GPR157: variants seen among roughly 807,000 people sequenced by gnomAD.
GPR157 encodes G protein-coupled receptor 157, also known as G-protein coupled receptor 157.
In GPR157, 16 loss-of-function variants were observed where a neutral mutation model predicts 23.5. The observed-to-expected ratio is 0.68, with a 90% CI of 0.46 to 1.04. The LOEUF (loss-of-function observed/expected upper bound fraction) is 1.04. Ranked by LOEUF, GPR157 falls within the 50% of genes least tolerant of loss-of-function variation. The probability of loss-of-function intolerance (pLI) is 0.00; values close to 1 mark genes in which losing one functional copy is unlikely to be tolerated. For missense variants in GPR157, 440 were observed against 460.7 expected, an observed-to-expected ratio of 0.96 and a Z score of 0.41; for synonymous variants, 200 against 221.5, an observed-to-expected ratio of 0.90 and a Z score of 0.86.
At chr1:9,121,273 A>G (rs892918686) in intron 1 of GPR157, among the ~76,000 whole-genome samples, 2 of 151,530 alleles carry the variant, frequency 1.3e-5, no homozygotes, top group Non-Finnish European at 2.9e-5. Context: ...TAGAGGCTGT[A>G]CTGAGTAGAG....
Position 9,128,564 on chromosome 1 carries a change from A to T in GPR157, c.383+81T>A, listed in dbSNP as rs1426850536. 7.3e-7 allele frequency: 1 copy of T among 1,362,098 alleles called. No homozygotes were observed. The highest frequency in any genetic ancestry group is 2.4e-5 in the East Asian group (1 of 41,984). The allele number at this position is 1,362,098 out of a possible 1,614,324, so 84.4% of individuals were successfully genotyped here. On this transcript the variant is annotated intron_variant, in intron 1 of 3. Transcript: ENST00000377411. The surrounding 1 kb of genome is among the most constrained non-coding windows in gnomAD (Gnocchi z 6.3). ...TGTGGGTAGGGGGTGTCCAACCTAGACGCGGCCTCTGGGAGGGCAAGACCG... is the reference window on the plus strand; with the variant it reads ...TGTGGGTAGGGGGTGTCCAACCTAGTCGCGGCCTCTGGGAGGGCAAGACCG...
At chr1:9,106,199 G>A (rs1043266787) in intron 2 of GPR157, among the ~76,000 whole-genome samples, 1 of 152,034 alleles carries the variant, frequency 6.6e-6, no homozygotes, top group Non-Finnish European at 1.5e-5. Context: ...CCACCGTGCC[G>A]ACCTCTAACT....
At chr1:9,107,724 C>A (rs913868471) in intron 2 of GPR157, among the ~76,000 whole-genome samples, 3 of 152,150 alleles carry the variant, frequency 2.0e-5, no homozygotes, top group Non-Finnish European at 1.5e-5. Flanking sequence ...GCCAGGAGTT[C>A]AAGACCAGGC....
chr1:9,110,827 T>G (rs1050651150), intron 2 of GPR157, among the ~76,000 whole-genome samples: 1 of 152,212 alleles, frequency 6.6e-6, no homozygotes, highest in Non-Finnish European at 1.5e-5. Flanking sequence ...GCGTCACTGA[T>G]TGTGAAATTC....
Position 9,120,494 on chromosome 1 carries a change from G to A in GPR157, c.383+8151C>T, listed in dbSNP as rs937901661. 6.6e-6 allele frequency among the ~76,000 whole-genome samples: 1 copy of A among 152,224 alleles called. No individual in the cohort carries two copies. Among genetic ancestry groups the A allele is most frequent in the Admixed American group, 6.5e-5 (1 of 15,282 alleles). ...GAGCAGGGCTGGGGGAAGCCCAGCT[G>A]TAGGGAGTGAGGCCTGGTGAGAGGC... On this transcript the variant is annotated intron_variant, in intron 1 of 3. Transcript: ENST00000377411. The surrounding 1 kb of genome is among the most constrained non-coding windows in gnomAD (Gnocchi z 4.1).
chr1:9,107,852 C>T (rs1472758397), intron 2 of GPR157, among the ~76,000 whole-genome samples: 7 of 152,020 alleles, frequency 4.6e-5, no homozygotes, highest in East Asian at 1.9e-4. Context: ...TGCTTGAACC[C>T]GGGAGGCAGA....
chr1:9,104,472 G>A lies in GPR157; in HGVS notation c.955C>T (p.Pro319Ser). Residue 319 changes from proline to serine, a missense_variant, in exon 4 of 4, where the codon CCA (proline) becomes TCA (serine). By Grantham distance (74) the Pro-to-Ser change is moderately conservative. Coordinates refer to ENST00000377411, the MANE Select transcript of GPR157 (RefSeq NM_024980.5). ...CCTTGGGATTCCTGAGATTCTCCTG[G>A]CTTGGAAGGCGCGGGAGCCTTGGGA... Reference protein sequence around the residue: ...GTPKAPAPSKPGESQESQGTP... With the variant: ...GTPKAPAPSKSGESQESQGTP... 2 of 1,613,952 alleles carry A rather than the reference G, an allele frequency of 1.2e-6. No homozygotes were observed. The highest frequency in any genetic ancestry group is 1.1e-5 in the South Asian group (1 of 91,054).
chr1:9,116,759 A>T (rs1638689963), intron 1 of GPR157, among the ~76,000 whole-genome samples: 1 of 150,512 alleles, frequency 6.6e-6, no homozygotes, highest in South Asian at 2.1e-4. Context: ...TTATTATTTT[A>T]GAGACAGGGT....
At chr1:9,126,869 C>A (rs1445002401) in intron 1 of GPR157, among the ~76,000 whole-genome samples, 1 of 151,966 alleles carries the variant, frequency 6.6e-6, no homozygotes. Context: ...GAATACGTTG[C>A]TTGTTTTTTC....
intron 1 of GPR157, 74 bp from the exon 2 acceptor site, chr1:9,111,563 A>ACC: frequency 6.5e-6 from 8 of 1,229,648 alleles, no homozygotes; most frequent in Non-Finnish European, 9.4e-6. Context: ...CGCAAAAATG[A>ACC]CGGAGGACGC....
Position 9,128,286 on chromosome 1 carries a change from T to C in GPR157, c.383+359A>G, listed in dbSNP as rs1392517714. The C allele has an allele frequency of 5.6e-6, 3 of 535,858 alleles. No homozygotes were observed. The highest frequency in any genetic ancestry group is 3.8e-5 in the African/African-American group (2 of 53,036). 33.2% of individuals were successfully genotyped at this position (535,858 alleles called of 1,614,324 possible). On this transcript the variant is annotated intron_variant, in intron 1 of 3. Coordinates refer to ENST00000377411, the MANE Select transcript of GPR157 (RefSeq NM_024980.5). This position sits in a 1 kb window ranked among gnomAD's most constrained non-coding sequence, Gnocchi z 6.3. ...CAGTTACCTAACTCGTCTCCCAGCC[T>C]GTTTCCCCATGGGCAGCAGAGACAG...
intron 1 of GPR157, among the ~76,000 whole-genome samples, chr1:9,117,130 C>T (rs1262668543): frequency 6.6e-6 from 1 of 152,052 alleles, no homozygotes; most frequent in Non-Finnish European, 1.5e-5. Context: ...AGGCAGGAGC[C>T]CCATGCCCAG....
At chr1:9,116,662 G>A (rs138985007) in intron 1 of GPR157, among the ~76,000 whole-genome samples, 1 of 149,356 alleles carries the variant, frequency 6.7e-6, no homozygotes, top group East Asian at 2.0e-4. Context: ...AGAATTGATT[G>A]TTGATTGAAC....
intron 2 of GPR157, 83 bp downstream of exon 2, chr1:9,111,193 C>T (rs759530816): frequency 3.7e-6 from 5 of 1,348,846 alleles, no homozygotes; most frequent in East Asian, 2.4e-5. Flanking sequence ...CCTGTCCCCT[C>T]GGGGGGCCAA....
intron 1 of GPR157, among the ~76,000 whole-genome samples, chr1:9,114,285 C>A (rs1038665239): frequency 6.9e-6 from 1 of 145,688 alleles, no homozygotes; most frequent in South Asian, 2.2e-4. Context: ...GCTGAGATTG[C>A]GCCACTGAAC....
At chr1:9,127,565 G>C (rs940002121) in intron 1 of GPR157, among the ~76,000 whole-genome samples, 1 of 152,162 alleles carries the variant, frequency 6.6e-6, no homozygotes, top group African/African-American at 2.4e-5. Flanking sequence ...ATGATGTGTT[G>C]CAAAGATTTT....
chr1:9,129,069 C>G lies in GPR157; in HGVS notation c.-42G>C, dbSNP rs1332599898. 10 of 1,219,138 alleles carry G rather than the reference C, an allele frequency of 8.2e-6. No homozygotes were observed. The African/African-American group carries it at 1.6e-4, about 19-fold the overall frequency. The allele number at this position is 1,219,138 out of a possible 1,614,324, so 75.5% of individuals were successfully genotyped here. A position where few individuals can be genotyped will look rare whatever the true frequency, so the allele number is the denominator to read the frequency against. On this transcript the variant is annotated 5_prime_UTR_variant, in exon 1 of 4. Transcript: ENST00000377411. Reference sequence around the variant, plus strand: ...AGCCGGAGCGCCGCGAGGACAGAAGCCGGGCCGCGCGTGCGGCCACGCCGC... The same window carrying G: ...AGCCGGAGCGCCGCGAGGACAGAAGGCGGGCCGCGCGTGCGGCCACGCCGC...
rs1042053896 is a variant in GPR157, at chr1:9,120,828, G to A, written c.383+7817C>T. 3.3e-5 allele frequency among the ~76,000 whole-genome samples: 5 copies of A among 152,302 alleles called. No homozygotes were observed. The East Asian group carries it at 7.7e-4, about 23-fold the overall frequency. Reference sequence around the variant, plus strand: ...TTCCTGCTGCACACAGGGACACAGCGCTGCCACCTTCACCAGTCACCTCAG... The same window carrying A: ...TTCCTGCTGCACACAGGGACACAGCACTGCCACCTTCACCAGTCACCTCAG... On this transcript the variant is annotated intron_variant, in intron 1 of 3. Transcript: ENST00000377411. The surrounding 1 kb of genome is among the most constrained non-coding windows in gnomAD (Gnocchi z 4.1).
intron 1 of GPR157, among the ~76,000 whole-genome samples, chr1:9,121,744 C>A (rs943761577): frequency 6.6e-6 from 1 of 152,186 alleles, no homozygotes; most frequent in African/African-American, 2.4e-5. Flanking sequence ...GCCCCCAGAG[C>A]AGGGTTTTTA....
Sources: gnomAD v4.1 joint callset for allele counts (sites outside exome capture counted in the v4.1 genomes callset) on GRCh38, gnomAD v4.1.1 for gene constraint, Gnocchi (gnomAD v3.1) non-coding constraint, MANE v1.5 for transcripts, NCBI Gene and HGNC (gene_info 2026-07-23, HGNC 2026-07-21) for gene names.